Variants in PACRG observed in about 807,000 individuals in gnomAD.
PACRG encodes parkin coregulated.
In PACRG, 29 loss-of-function variants were observed where a neutral mutation model predicts 29.7. The ratio of observed to expected loss-of-function variants is 0.98; its 90% CI spans 0.73 to 1.33. PACRG has a LOEUF of 1.33. PACRG is among the 40% of genes most tolerant of loss of function. The pLI, the probability that PACRG is intolerant of heterozygous loss-of-function variation, is 0.00. For synonymous variants in PACRG, 116 were observed against 118.7 expected, an observed-to-expected ratio of 0.98 and a Z score of 0.15; for missense variants, 279 against 316.2, an observed-to-expected ratio of 0.88 and a Z score of 0.89.
chr6:163,213,697 A>G (rs1187436999), intron 4 of PACRG, among the ~76,000 whole-genome samples: 3 of 152,124 alleles, frequency 2.0e-5, no homozygotes, highest in Non-Finnish European at 4.4e-5. Context: ...GATTGGTATT[A>G]GTTATTTGTA....
chr6:163,213,345 TAGG>T (rs1447684244), intron 4 of PACRG, among the ~76,000 whole-genome samples: 2 of 151,878 alleles, frequency 1.3e-5, no homozygotes, highest in Non-Finnish European at 2.9e-5. Context: ...CTGTTTTAGA[TAGG>T]AGAATAAAGA....
At chr6:163,300,081 G>A (rs1006234157) in intron 4 of PACRG, among the ~76,000 whole-genome samples, 1 of 152,196 alleles carries the variant, frequency 6.6e-6, no homozygotes, top group African/African-American at 2.4e-5. Flanking sequence ...AACTCTGGGA[G>A]GTAACACTGG....
At chr6:163,204,339 T>C (rs1419590611) in intron 4 of PACRG, among the ~76,000 whole-genome samples, 2 of 152,260 alleles carry the variant, frequency 1.3e-5, no homozygotes, top group African/African-American at 2.4e-5. Context: ...TCCACCTTTA[T>C]GTTATTACTG....
At chr6:162,790,757 C>T (rs6915128) in intron 1 of PACRG, among the ~76,000 whole-genome samples, 82,647 of 151,870 alleles carry the variant, frequency 0.54, 23,277 homozygotes, top group African/African-American at 0.67. Context: ...AACATTAAAA[C>T]GTCTCTAAGA....
intron 2 of PACRG, among the ~76,000 whole-genome samples, chr6:163,061,807 C>A (rs1811119718): frequency 6.6e-6 from 1 of 152,176 alleles, no homozygotes; most frequent in African/African-American, 2.4e-5. Flanking sequence ...ATCTTTTCAG[C>A]AAACATTCTA....
At chr6:162,889,779 A>T (rs1400635162) in intron 2 of PACRG, among the ~76,000 whole-genome samples, 1 of 152,156 alleles carries the variant, frequency 6.6e-6, no homozygotes, top group Non-Finnish European at 1.5e-5. Context: ...TACTTCCAAG[A>T]CTCTTCGATA....
At chr6:162,727,572 CG>C (rs2128243039), upstream of PACRG, 3 of 1,370,580 alleles carry the variant, frequency 2.2e-6, no homozygotes, top group East Asian at 2.5e-5. Context: ...CAGTTGGCAC[CG>C]GGGGTCCTGG....
In PACRG at chr6:162,814,154, G is replaced by T; in HGVS notation, c.164G>T (p.Gly55Val). The T allele has an allele frequency of 6.2e-7, 1 of 1,609,932 alleles. No individual in the cohort carries two copies. The highest frequency in any genetic ancestry group is 8.5e-7 in the Non-Finnish European group (1 of 1,177,598). The change falls in exon 2 of 5, where the codon GGC (glycine) becomes GTC (valine). Residue 55 changes from glycine to valine, a missense_variant. Transcript: ENST00000366888. ...KAMMKNSVVR[G>V]PPAAGAFKER... is the part of the protein sequence containing the mutation. ...TTTTTTTTTCCAATTAAGGTGAGAG[G>T]CCCTCCAGCTGCAGGGGCATTTAAA...
intron 4 of PACRG, among the ~76,000 whole-genome samples, chr6:163,275,317 C>T (rs1783986816): frequency 6.6e-6 from 1 of 152,112 alleles, no homozygotes; most frequent in Non-Finnish European, 1.5e-5. Flanking sequence ...AGCATCATTT[C>T]TACGTTACCA....
chr6:163,315,034 A>C lies in PACRG; in HGVS notation c.*47A>C, dbSNP rs201361799. ...GAAACCTCCCGTTGGTGTTGGGATC[A>C]TCTGTCTCTGTTGCTTTTAGCATCT... On this transcript the variant is annotated 3_prime_UTR_variant, in exon 5 of 5. Transcript: ENST00000366888. 8 of 1,579,480 alleles carry C rather than the reference A, an allele frequency of 5.1e-6. No individual in the cohort carries two copies. The highest frequency in any genetic ancestry group is 1.3e-5 in the African/African-American group (1 of 74,092).
At chr6:162,905,981 T>A (rs1795904416) in intron 2 of PACRG, among the ~76,000 whole-genome samples, 1 of 152,148 alleles carries the variant, frequency 6.6e-6, no homozygotes, top group Non-Finnish European at 1.5e-5. Context: ...ATTTTGCAAT[T>A]CCTGGTTTAT....
intron 4 of PACRG, among the ~76,000 whole-genome samples, chr6:163,106,193 C>T (rs1208234567): frequency 6.6e-6 from 1 of 152,050 alleles, no homozygotes; most frequent in African/African-American, 2.4e-5. Flanking sequence ...TAAAAGGGAA[C>T]TTATAGGATT....
rs532868927 is a variant in PACRG at position 163,130,632 on chromosome 6, C to T, written c.613+41224C>T. 2.0e-5 allele frequency among the ~76,000 whole-genome samples: 3 copies of T among 152,286 alleles called. No individual in the cohort carries two copies. The South Asian group carries it at 6.2e-4, about 32-fold the overall frequency. ...TATCAGTGATTTTCAAAGATTTTTC[C>T]CACTTTGGGCACAACGTGCCCTTCT... On this transcript the variant is annotated intron_variant, in intron 4 of 4. Transcript: ENST00000366888.
intron 2 of PACRG, chr6:162,997,352 T>C (rs554215180): frequency 2.3e-6 from 1 of 439,042 alleles, no homozygotes; most frequent in South Asian, 1.6e-5. Context: ...TTTATTTGCT[T>C]ATATTAGTCC....
At chr6:163,126,020 C>T (rs1467267764) in intron 4 of PACRG, among the ~76,000 whole-genome samples, 4 of 152,154 alleles carry the variant, frequency 2.6e-5, no homozygotes, top group South Asian at 2.1e-4. Context: ...GAGCTGTCTA[C>T]ATTTATCTGA....
At chr6:163,131,661 C>T (rs1816745720) in intron 4 of PACRG, among the ~76,000 whole-genome samples, 1 of 151,822 alleles carries the variant, frequency 6.6e-6, no homozygotes, top group South Asian at 2.1e-4. Context: ...AACATGGCAG[C>T]TGTTGAATGT....
At chr6:162,944,461 A>G (rs1798856355) in intron 2 of PACRG, among the ~76,000 whole-genome samples, 1 of 152,348 alleles carries the variant, frequency 6.6e-6, no homozygotes, top group South Asian at 2.1e-4. Context: ...ATTTTCTAGC[A>G]ACACATTCCA....
At chr6:163,175,337 G>C (rs1025089848) in intron 4 of PACRG, among the ~76,000 whole-genome samples, 2 of 152,158 alleles carry the variant, frequency 1.3e-5, no homozygotes, top group Non-Finnish European at 2.9e-5. Flanking sequence ...AGAGACTTCT[G>C]TTGAAGCTTT....
chr6:162,809,458 A>T (rs1206466340), intron 1 of PACRG, among the ~76,000 whole-genome samples: 1 of 152,218 alleles, frequency 6.6e-6, no homozygotes, highest in Non-Finnish European at 1.5e-5. Flanking sequence ...AAGTGCAGGC[A>T]TGGAATCATT....
Sources: allele counts gnomAD v4.1 joint callset (sites outside exome capture counted in the v4.1 genomes callset), GRCh38; gene constraint gnomAD v4.1.1; transcripts MANE v1.5; gene names NCBI Gene and HGNC (gene_info 2026-07-23, HGNC 2026-07-21).